The following TAX1BP1 variants were observed in gnomAD, a reference collection of about 807,000 sequenced individuals.
The protein encoded by TAX1BP1 is tax1-binding protein 1.
TAX1BP1 carries 62 observed loss-of-function variants against 97.7 expected under a neutral mutation model. The observed-to-expected ratio is 0.63, with a 90% CI of 0.52 to 0.78. TAX1BP1 has a LOEUF of 0.78. TAX1BP1 is among the 30% of genes least tolerant of loss of function. The pLI is 0.00. For missense variants in TAX1BP1, 867 were observed against 916.1 expected, an observed-to-expected ratio of 0.95 and a Z score of 0.69; for synonymous variants, 340 against 304.2, an observed-to-expected ratio of 1.12 and a Z score of -1.23.
intron 13 of TAX1BP1, among the ~76,000 whole-genome samples, chr7:27,810,533 GT>G (rs1465886620): frequency 6.6e-6 from 1 of 152,010 alleles, no homozygotes; most frequent in Non-Finnish European, 1.5e-5. Context: ...GCCCATTATT[GT>G]TTTGCTAGAT....
chr7:27,810,166 C>T (rs1372464656), intron 13 of TAX1BP1, among the ~76,000 whole-genome samples: 5 of 150,722 alleles, frequency 3.3e-5, no homozygotes, highest in Non-Finnish European at 7.4e-5. Flanking sequence ...CTCAGCCTCC[C>T]GAAGTGCTGG....
intron 8 of TAX1BP1, among the ~76,000 whole-genome samples, chr7:27,787,847 TTACTC>T (rs1789545760): frequency 1.3e-5 from 2 of 152,194 alleles, no homozygotes; most frequent in South Asian, 4.1e-4. Context: ...TTACGATAAT[TTACTC>T]TAAATACTTT....
chr7:27,812,217 T>A lies in TAX1BP1; in HGVS notation c.1765-4132T>A, dbSNP rs73297519. 3.9e-3 allele frequency among the ~76,000 whole-genome samples: 601 copies of A among 152,352 alleles called. 6 individuals carry two copies. The highest frequency in any genetic ancestry group is 0.014 in the African/African-American group (587 of 41,582). ...AGTGGGTGTATTAGTGTTATCTCATTGTGGATTTTAGTTTTAATTTCCCTG... is the reference window on the plus strand; with the variant it reads ...AGTGGGTGTATTAGTGTTATCTCATAGTGGATTTTAGTTTTAATTTCCCTG... On this transcript the variant is annotated intron_variant, in intron 13 of 16. Coordinates refer to ENST00000396319, the MANE Select transcript of TAX1BP1 (RefSeq NM_006024.7).
chr7:27,788,991 A>G (rs1340378068), intron 8 of TAX1BP1, among the ~76,000 whole-genome samples: 2 of 152,028 alleles, frequency 1.3e-5, no homozygotes, highest in Non-Finnish European at 2.9e-5. Context: ...TCCATTCCAT[A>G]TTTATATCTC....
intron 2 of TAX1BP1, among the ~76,000 whole-genome samples, chr7:27,757,144 A>G (rs1210710907): frequency 2.0e-5 from 3 of 152,152 alleles, no homozygotes; most frequent in Non-Finnish European, 4.4e-5. Context: ...ATCATAGAAC[A>G]TGGATAATCT....
chr7:27,800,198 G>A, intron 13 of TAX1BP1, 108 bp downstream of exon 13: 1 of 1,055,002 alleles, frequency 9.5e-7, no homozygotes, highest in Non-Finnish European at 1.3e-6. Context: ...ATAATTGATA[G>A]TTTTTTCTAC....
At chr7:27,755,737 A>G (rs151184852) in intron 2 of TAX1BP1, among the ~76,000 whole-genome samples, 1 of 152,196 alleles carries the variant, frequency 6.6e-6, no homozygotes, top group Non-Finnish European at 1.5e-5. Context: ...AGTATGTGAC[A>G]TATTCATTGC....
intron 13 of TAX1BP1, among the ~76,000 whole-genome samples, chr7:27,801,356 C>T (rs1790132185): frequency 6.6e-6 from 1 of 151,206 alleles, no homozygotes; most frequent in African/African-American, 2.4e-5. Flanking sequence ...CTTTTAGGGG[C>T]TGGAGATGTA....
intron 13 of TAX1BP1, among the ~76,000 whole-genome samples, chr7:27,807,854 A>G (rs940658065): frequency 1.3e-5 from 2 of 151,964 alleles, no homozygotes; most frequent in Admixed American, 6.6e-5. Flanking sequence ...ATTGATATTT[A>G]TCATTGTAGA....
chr7:27,779,872 C>G (rs543082448), intron 5 of TAX1BP1, among the ~76,000 whole-genome samples: 1 of 152,246 alleles, frequency 6.6e-6, no homozygotes, highest in East Asian at 1.9e-4. Context: ...ACTGACATAT[C>G]CTGGTTTCAG....
At chr7:27,768,011 A>C (rs1288819140) in intron 4 of TAX1BP1, among the ~76,000 whole-genome samples, 5 of 151,962 alleles carry the variant, frequency 3.3e-5, no homozygotes, top group Non-Finnish European at 1.5e-5. Context: ...ATAATTTTGC[A>C]ATCTGTGGAC....
chr7:27,787,381 G>T, intron 7 of TAX1BP1, 37 bp from the exon 8 acceptor site: 1 of 1,535,278 alleles, frequency 6.5e-7, no homozygotes, highest in Non-Finnish European at 8.8e-7. Context: ...AGGTCATGGA[G>T]TTAGAATATT....
At chr7:27,739,643 C>G (rs1203502125), upstream of TAX1BP1, 5 of 152,258 alleles carry the variant, frequency 3.3e-5, no homozygotes, top group East Asian at 9.7e-4. Flanking sequence ...CTCCTAGGAG[C>G]TTTCAGTGAA....
chr7:27,743,367 T>C (rs955973750), intron 1 of TAX1BP1, among the ~76,000 whole-genome samples: 4 of 152,218 alleles, frequency 2.6e-5, no homozygotes, highest in African/African-American at 9.6e-5. Flanking sequence ...GCTGGACATT[T>C]TTTCCTTTCA....
chr7:27,769,548 A>T, intron 4 of TAX1BP1, 128 bp from the exon 5 acceptor site: 1 of 694,706 alleles, frequency 1.4e-6, no homozygotes, highest in Non-Finnish European at 2.3e-6. Flanking sequence ...GATATAAAGT[A>T]GGTAGAATGT....
At chr7:27,822,779 C>T (rs1031890556) in intron 15 of TAX1BP1, among the ~76,000 whole-genome samples, 1 of 152,140 alleles carries the variant, frequency 6.6e-6, no homozygotes, top group Non-Finnish European at 1.5e-5. Context: ...CTTTGCAGCA[C>T]AAAACTTTTT....
chr7:27,796,026 C>T (rs968071704), intron 11 of TAX1BP1, 90 bp from the exon 12 acceptor site: 3 of 873,602 alleles, frequency 3.4e-6, no homozygotes, highest in African/African-American at 3.5e-5. Context: ...CTATATTTTA[C>T]AGTATACTGA....
chr7:27,814,851 C>G (rs923375413), intron 13 of TAX1BP1, among the ~76,000 whole-genome samples: 4 of 152,090 alleles, frequency 2.6e-5, no homozygotes, highest in Admixed American at 1.3e-4. Flanking sequence ...TTCTTTCTGC[C>G]TCAGCCTCCT....
Position 27,819,983 on chromosome 7 carries a change from C to G in TAX1BP1, c.2085+2945C>G, listed in dbSNP as rs537523133. On this transcript the variant is annotated intron_variant, in intron 15 of 16. Transcript: ENST00000396319. ...TGTAGACCAGCAGTAGTGGTATCTC[C>G]TAGGAGTATGTTGGAAATGGCAGAA... Among the ~76,000 whole-genome samples, 6 of 152,270 alleles carry G rather than the reference C, an allele frequency of 3.9e-5. No individual in the cohort carries two copies. The East Asian group carries it at 7.7e-4, about 20-fold the overall frequency.
Sources: gnomAD v4.1 joint callset for allele counts (sites outside exome capture counted in the v4.1 genomes callset) on GRCh38, gnomAD v4.1.1 for gene constraint, MANE v1.5 for transcripts, NCBI Gene and HGNC (gene_info 2026-07-23, HGNC 2026-07-21) for gene names.